Variants in EHMT1 observed in about 807,000 individuals in gnomAD.
EHMT1 encodes euchromatic histone lysine methyltransferase 1.
In EHMT1, 15 loss-of-function variants were observed where a neutral mutation model predicts 147.2. That is an observed-to-expected ratio of 0.10 (90% CI 0.07 to 0.16). The LOEUF (loss-of-function observed/expected upper bound fraction) is 0.16. Among genes scored for constraint, EHMT1 ranks in the 10% least tolerant of loss-of-function variants. The pLI is 1.00. For missense variants in EHMT1, 1,587 were observed against 1,772.4 expected, an observed-to-expected ratio of 0.90 and a Z score of 1.88; for synonymous variants, 795 against 709.6, an observed-to-expected ratio of 1.12 and a Z score of -1.91.
intron 1 of EHMT1, among the ~76,000 whole-genome samples, chr9:137,675,705 G>A (rs1220238453): frequency 4.8e-5 from 7 of 145,118 alleles, no homozygotes; most frequent in South Asian, 2.2e-4. Flanking sequence ...TCCACCTCCC[G>A]GGTTCAAGCG....
At chr9:137,631,982 C>A (rs571594978) in intron 1 of EHMT1, among the ~76,000 whole-genome samples, 24 of 152,250 alleles carry the variant, frequency 1.6e-4, no homozygotes, top group South Asian at 4.1e-4. Flanking sequence ...TTTCTGTGTT[C>A]AGACGCACAT....
intron 23 of EHMT1, 45 bp from the exon 24 acceptor site, chr9:137,817,394 G>A: frequency 6.2e-7 from 1 of 1,610,886 alleles, no homozygotes; most frequent in Middle Eastern, 1.7e-4. Flanking sequence ...TGTGGCAACA[G>A]GCTGAGGCTG....
chr9:137,644,132 G>A (rs935830350), intron 1 of EHMT1, among the ~76,000 whole-genome samples: 12 of 152,166 alleles, frequency 7.9e-5, no homozygotes, highest in African/African-American at 2.4e-4. Context: ...GGCTGATCCC[G>A]CCGTGCATTG....
At chr9:137,777,080 AC>A (rs1301516053) in intron 12 of EHMT1, 3 of 503,628 alleles carry the variant, frequency 6.0e-6, no homozygotes, top group Non-Finnish European at 1.1e-5. Context: ...ACCGGTTTTC[AC>A]AGCACCCCCA....
At position 137,782,517 on chromosome 9, in the gene EHMT1, G is replaced by C; in HGVS notation, c.2382+120G>C. The C allele has an allele frequency of 1.0e-6, 1 of 957,364 alleles. No individual in the cohort carries two copies. The highest frequency in any genetic ancestry group is 1.6e-6 in the Non-Finnish European group (1 of 624,940). The allele number at this position is 957,364 out of a possible 1,614,324, so 59.3% of individuals were successfully genotyped here. On this transcript the variant is annotated intron_variant, in intron 15 of 26. Transcript: ENST00000460843. The surrounding 1 kb of genome is among the most constrained non-coding windows in gnomAD (Gnocchi z 5.7). ...AAGAGTTCCGTAGTGCTGTGAATCG[G>C]GCACAGAGTCAGCTTTTCTGCCCCC... is the stretch of plus-strand genomic sequence containing the variant.
Position 137,729,084 on chromosome 9 carries a change from G to A in EHMT1, c.823+555G>A, listed in dbSNP as rs563684842. Among the ~76,000 whole-genome samples, 14 of 152,224 alleles carry A rather than the reference G, an allele frequency of 9.2e-5. No individual in the cohort carries two copies. In the East Asian group the frequency reaches 1.4e-3, roughly 15 times the overall value. ...ACCGGGACCTCAGAGTGAGCGCTGC[G>A]TCAGGGCTCCCTGGGCTTTCAAACC... On this transcript the variant is annotated intron_variant, in intron 4 of 26. Coordinates refer to ENST00000460843, the MANE Select transcript of EHMT1 (RefSeq NM_024757.5).
chr9:137,686,543 C>G (rs1310742691), intron 1 of EHMT1, among the ~76,000 whole-genome samples: 2 of 151,794 alleles, frequency 1.3e-5, no homozygotes, highest in African/African-American at 2.4e-5. Flanking sequence ...GTGTGCACCC[C>G]CATCCCCGGC....
At chr9:137,725,837 C>T (rs780463665) in intron 3 of EHMT1, among the ~76,000 whole-genome samples, 2 of 152,122 alleles carry the variant, frequency 1.3e-5, no homozygotes, top group African/African-American at 4.8e-5. Flanking sequence ...TTCCAGCTCG[C>T]CCTGGCACAC....
intron 1 of EHMT1, among the ~76,000 whole-genome samples, chr9:137,652,508 C>A (rs143111142): frequency 5.3e-5 from 8 of 151,452 alleles, no homozygotes; most frequent in Non-Finnish European, 1.0e-4. Flanking sequence ...TGCCTCAGCT[C>A]CTGAGTAGCT....
At chr9:137,812,217 A>C (rs1309570784) in intron 19 of EHMT1, among the ~76,000 whole-genome samples, 1 of 152,226 alleles carries the variant, frequency 6.6e-6, no homozygotes, top group Non-Finnish European at 1.5e-5. Flanking sequence ...ATGTGCCTGT[A>C]ACCCCAGCTA....
At chr9:137,690,639 G>A (rs1387286849) in intron 1 of EHMT1, among the ~76,000 whole-genome samples, 1 of 151,996 alleles carries the variant, frequency 6.6e-6, no homozygotes, top group Non-Finnish European at 1.5e-5. Flanking sequence ...GCGCGATCTC[G>A]GCTCACTGCA....
chr9:137,643,558 C>T (rs1844661521), intron 1 of EHMT1, among the ~76,000 whole-genome samples: 1 of 151,930 alleles, frequency 6.6e-6, no homozygotes, highest in African/African-American at 2.4e-5. Flanking sequence ...CCGTGTTAGC[C>T]AAGATGGTCT....
At position 137,834,262 on chromosome 9, in the gene EHMT1, C is replaced by A. The variant is rs1011023623; in HGVS notation, c.3541-87C>A. 6 of 1,552,424 alleles carry A rather than the reference C, an allele frequency of 3.9e-6. No homozygotes were observed. In the African/African-American group the frequency reaches 8.2e-5, roughly 21 times the overall value. On this transcript the variant is annotated intron_variant, in intron 25 of 26. Transcript: ENST00000460843. ...CGGGCCTGCGCCCAACTGCAGGCTC[C>A]GGGACTGCCATGCATGGCCGTACCC...
intron 1 of EHMT1, among the ~76,000 whole-genome samples, chr9:137,707,484 G>T (rs1047333183): frequency 2.0e-5 from 3 of 152,164 alleles, no homozygotes; most frequent in African/African-American, 7.2e-5. Flanking sequence ...GTCCCTTAAT[G>T]GAAGTGAGCA....
chr9:137,724,175 G>A (rs959120161), intron 3 of EHMT1, among the ~76,000 whole-genome samples: 1 of 152,198 alleles, frequency 6.6e-6, no homozygotes, highest in Non-Finnish European at 1.5e-5. Context: ...GAGAGGTGGT[G>A]CCTGTTGGTC....
chr9:137,677,759 T>TA (rs1364046397), intron 1 of EHMT1, among the ~76,000 whole-genome samples: 2 of 151,840 alleles, frequency 1.3e-5, no homozygotes, highest in African/African-American at 4.8e-5. Context: ...TTGTGTATCT[T>TA]AAAAAAATAG....
At chr9:137,673,553 A>T (rs546883568) in intron 1 of EHMT1, among the ~76,000 whole-genome samples, 1 of 152,096 alleles carries the variant, frequency 6.6e-6, no homozygotes, top group East Asian at 1.9e-4. Flanking sequence ...TGTGCCAGGG[A>T]GTGTGTGGAG....
intron 4 of EHMT1, among the ~76,000 whole-genome samples, chr9:137,736,353 CATAGACAA>C (rs937112698): frequency 3.3e-4 from 50 of 152,302 alleles, no homozygotes; most frequent in African/African-American, 1.2e-3. Flanking sequence ...TGAAGGGAGA[CATAGACAA>C]TTCTACATTA....
intron 1 of EHMT1, among the ~76,000 whole-genome samples, chr9:137,699,451 T>C (rs1205624855): frequency 6.6e-6 from 1 of 152,138 alleles, no homozygotes; most frequent in Admixed American, 6.5e-5. Context: ...AGTGGGCAGA[T>C]CACTCGAGGT....
Sources: gnomAD v4.1 joint callset for allele counts (sites outside exome capture counted in the v4.1 genomes callset) on GRCh38, gnomAD v4.1.1 for gene constraint, Gnocchi (gnomAD v3.1) non-coding constraint, MANE v1.5 for transcripts, NCBI Gene and HGNC (gene_info 2026-07-23, HGNC 2026-07-21) for gene names.